Variants in FNBP4 observed in about 807,000 individuals in gnomAD.
The protein encoded by FNBP4 is formin binding protein 4.
A neutral mutation model predicts 119.3 loss-of-function variants in FNBP4; 34 were observed. That is an observed-to-expected ratio of 0.28 (90% CI 0.22 to 0.38). The LOEUF (loss-of-function observed/expected upper bound fraction) is 0.38, where lower values mean the gene tolerates loss of function less well. FNBP4 is among the 10% of genes least tolerant of loss of function. The probability of loss-of-function intolerance (pLI) is 1.00; values close to 1 mark genes in which losing one functional copy is unlikely to be tolerated. For synonymous variants in FNBP4, 462 were observed against 430.6 expected (o/e 1.07, Z -0.90); for missense variants, 1,112 against 1,228.9 (o/e 0.90, Z 1.42).
At chr11:47,741,134 G>A (rs1400725888) in intron 8 of FNBP4, among the ~76,000 whole-genome samples, 1 of 151,520 alleles carries the variant, frequency 6.6e-6, no homozygotes, top group Non-Finnish European at 1.5e-5. Flanking sequence ...CTCCCAAAGT[G>A]CTGGGATTAC....
At chr11:47,743,788 G>A (rs950547581) in intron 8 of FNBP4, 165 bp downstream of exon 8, 1 of 646,518 alleles carries the variant, frequency 1.5e-6, no homozygotes, top group Admixed American at 2.9e-5. Flanking sequence ...ACTAGAAAAA[G>A]ATCTGGAAAA....
chr11:47,740,084 G>A (rs2097579798), intron 8 of FNBP4, among the ~76,000 whole-genome samples: 1 of 151,908 alleles, frequency 6.6e-6, no homozygotes, highest in Admixed American at 6.6e-5. Context: ...ATAGGCGTGA[G>A]CCAGGCCAAC....
At chr11:47,765,833 T>C (rs1191057010) in intron 1 of FNBP4, among the ~76,000 whole-genome samples, 3 of 131,572 alleles carry the variant, frequency 2.3e-5, no homozygotes, top group East Asian at 5.0e-4. Flanking sequence ...TGGGAGATAA[T>C]AAACACAGAG....
intron 8 of FNBP4, among the ~76,000 whole-genome samples, chr11:47,742,451 C>A (rs143324384): frequency 1.0e-5 from 1 of 99,206 alleles, no homozygotes; most frequent in African/African-American, 4.1e-5. Flanking sequence ...GCACTCCAGG[C>A]TGGGGGACAG....
chr11:47,757,203 A>G (rs929906343), intron 2 of FNBP4, among the ~76,000 whole-genome samples: 4 of 152,072 alleles, frequency 2.6e-5, no homozygotes, highest in African/African-American at 9.7e-5. Context: ...CCTTTCCAGC[A>G]TATGTAGGTA....
At chr11:47,746,759 C>A (rs545435028) in intron 6 of FNBP4, among the ~76,000 whole-genome samples, 66 of 152,268 alleles carry the variant, frequency 4.3e-4, no homozygotes, top group South Asian at 2.1e-3. Context: ...GATTTGCCCA[C>A]CTCAGCCTCC....
chr11:47,717,293 ACT>A lies in FNBP4; in HGVS notation c.*127_*128del. 1 of 646,856 alleles carries A rather than the reference ACT, an allele frequency of 1.5e-6. No homozygotes were observed. The highest frequency in any genetic ancestry group is 2.1e-5 in the South Asian group (1 of 47,532). 40.1% of individuals were successfully genotyped at this position (646,856 alleles called of 1,614,324 possible). On this transcript the variant is annotated 3_prime_UTR_variant, in exon 17 of 17. Transcript: ENST00000263773. ...AAAAGTGAAAACTTTGTATGCATAC[ACT>A]CTTGCCCAGGAAATTTATAAGATCT...
Position 47,750,968 on chromosome 11 carries a change from G to T in FNBP4, c.854C>A (p.Ser285Tyr). ...TDIYSKEKTI[S>Y]VSSSKSGPVI... ...TGGTCCACTTTTACTACTGGAAACAGAAATCGTTTTCTCCTTAGAATATAT... is the reference window on the plus strand; with the variant it reads ...TGGTCCACTTTTACTACTGGAAACATAAATCGTTTTCTCCTTAGAATATAT... The change falls in exon 6 of 17, where the codon TCT becomes TAT. Residue 285 changes from serine (S) to tyrosine (Y), a missense_variant. Ser to Tyr is a moderately radical substitution (Grantham distance 144). This residue lies in a region of FNBP4 where 826 missense variants were observed against 988.8 expected (regional missense o/e 0.84). Transcript: ENST00000263773. 1 of 1,613,990 alleles carries T rather than the reference G, an allele frequency of 6.2e-7. No homozygotes were observed. The highest frequency in any genetic ancestry group is 8.5e-7 in the Non-Finnish European group (1 of 1,179,982).
At chr11:47,760,613 T>C (rs2097631967) in intron 2 of FNBP4, among the ~76,000 whole-genome samples, 1 of 152,050 alleles carries the variant, frequency 6.6e-6, no homozygotes. Context: ...TTTGTATTTC[T>C]AGTAGAGATG....
intron 9 of FNBP4, among the ~76,000 whole-genome samples, chr11:47,735,969 T>C (rs1050309494): frequency 3.9e-5 from 6 of 152,090 alleles, no homozygotes; most frequent in African/African-American, 1.4e-4. Context: ...TCCCAGCTAC[T>C]CGGGAGGCTG....
At position 47,754,533 on chromosome 11, in the gene FNBP4, G is replaced by A; in HGVS notation, c.445C>T (p.Leu149=). The part of the protein sequence containing the change: ...TDIDSTLANF[L]AEIDAITAPQ... The stretch of plus-strand genomic sequence containing the variant: ...CAAACGAAAGCACCACTAACCGCTA[G>A]GAAGTTGGCCAATGTACTATCAATA... Residue 149 remains leucine (L), a synonymous_variant, in exon 3 of 17, where the codon CTA becomes TTA. Transcript: ENST00000263773. The A allele has an allele frequency of 1.2e-6, 2 of 1,613,226 alleles. No homozygotes were observed. The highest frequency in any genetic ancestry group is 2.2e-5 in the South Asian group (2 of 90,778).
At chr11:47,748,782 T>C (rs1442803493) in intron 6 of FNBP4, among the ~76,000 whole-genome samples, 2 of 151,948 alleles carry the variant, frequency 1.3e-5, no homozygotes, top group African/African-American at 4.8e-5. Context: ...CCCAAGTAGC[T>C]GGGACTACAA....
At chr11:47,724,339 C>A (rs2097558770) in intron 13 of FNBP4, 129 bp downstream of exon 13, 1 of 1,545,562 alleles carries the variant, frequency 6.5e-7, no homozygotes, top group Admixed American at 1.8e-5. Flanking sequence ...GCTTCGACCT[C>A]CCAAAGGTCT....
At chr11:47,742,477 C>CAAAAAAAAAAAAAAAAAAAAAAA (rs568784009) in intron 8 of FNBP4, among the ~76,000 whole-genome samples, 4 of 23,760 alleles carry the variant, frequency 1.7e-4, no homozygotes, top group African/African-American at 6.2e-4. Flanking sequence ...GACTCCGTCT[C>CAAAAAAAAAAAAAAAAAAAAAAA]AAAAAAAAAA....
rs1445182322 is a variant in FNBP4 at position 47,724,452 on chromosome 11, A to C, written c.2319+16T>G. The C allele has an allele frequency of 6.2e-7, 1 of 1,614,144 alleles. No individual in the cohort carries two copies. The highest frequency in any genetic ancestry group is 8.5e-7 in the Non-Finnish European group (1 of 1,179,986). ...AGTCCTCAAAATCACTCAGAATGCC[A>C]AAGGGAATTACTTACCTGGCTAGTT... is the stretch of plus-strand genomic sequence containing the variant. On this transcript the variant is annotated intron_variant, in intron 13 of 16. Transcript: ENST00000263773.
intron 14 of FNBP4, among the ~76,000 whole-genome samples, chr11:47,723,587 GT>G (rs1329669966): frequency 6.6e-5 from 10 of 152,184 alleles, no homozygotes; most frequent in African/African-American, 2.4e-4. Context: ...TTGAGACAGA[GT>G]TTTGCTCTGT....
intron 15 of FNBP4, among the ~76,000 whole-genome samples, chr11:47,721,253 A>AAAAT (rs374647673): frequency 3.6e-4 from 55 of 151,394 alleles, no homozygotes; most frequent in African/African-American, 1.1e-3. Flanking sequence ...CTCCATCTCA[A>AAAAT]AAATAAATAA....
rs771867535 is a variant in FNBP4 at position 47,731,417 on chromosome 11, A to T, written c.1965T>A (p.Thr655=). The change falls in exon 12 of 17, where the codon ACT becomes ACA. Residue 655 remains threonine (T), a synonymous_variant. Transcript: ENST00000263773. ...TLAKQTLKDK[T]GTDSNSTESS... is the part of the protein sequence containing the mutation. Reference sequence around the variant, plus strand: ...ATTCTGTTGAATTTGAATCAGTGCCAGTTTTGTCTTTCAAGGTCTGTTTGG... The same window carrying T: ...ATTCTGTTGAATTTGAATCAGTGCCTGTTTTGTCTTTCAAGGTCTGTTTGG... 3 of 1,613,912 alleles carry T rather than the reference A, an allele frequency of 1.9e-6. No homozygotes were observed. In the South Asian group the frequency reaches 3.3e-5, roughly 18 times the overall value.
At chr11:47,765,425 T>G (rs2097645362) in intron 1 of FNBP4, 63 bp from the exon 2 acceptor site, 307 of 811,814 alleles carry the variant, frequency 3.8e-4, no homozygotes, top group Middle Eastern at 7.1e-4. Flanking sequence ...AAAACTGCAG[T>G]CAGATTCCAG....
Sources: gnomAD v4.1 joint callset for allele counts (sites outside exome capture counted in the v4.1 genomes callset) on GRCh38, gnomAD v4.1.1 for gene constraint, gnomAD v4.1.1 regional missense constraint, MANE v1.5 for transcripts, NCBI Gene and HGNC (gene_info 2026-07-23, HGNC 2026-07-21) for gene names.